PRKCB: variants seen among roughly 807,000 people sequenced by gnomAD.
PRKCB encodes protein kinase C beta.
A neutral mutation model predicts 81.5 loss-of-function variants in PRKCB; 13 were observed. That is an observed-to-expected ratio of 0.16 (90% CI 0.10 to 0.25). PRKCB has a LOEUF of 0.25. Among genes scored for constraint, PRKCB ranks in the 10% least tolerant of loss-of-function variants. The probability of loss-of-function intolerance (pLI) is 1.00; values close to 1 mark genes in which losing one functional copy is unlikely to be tolerated. For missense variants in PRKCB, 509 were observed against 875.7 expected (o/e 0.58, Z 5.29); for synonymous variants, 335 against 321.4 (o/e 1.04, Z -0.45).
intron 12 of PRKCB, among the ~76,000 whole-genome samples, chr16:24,179,169 A>G (rs1043398686): frequency 2.0e-5 from 3 of 152,198 alleles, no homozygotes; most frequent in Admixed American, 1.3e-4. Flanking sequence ...ATTGGCCCAG[A>G]TTGGATCACA....
At chr16:23,973,046 C>T (rs1381894457) in intron 2 of PRKCB, among the ~76,000 whole-genome samples, 2 of 152,124 alleles carry the variant, frequency 1.3e-5, no homozygotes, top group Non-Finnish European at 2.9e-5. Flanking sequence ...TCTTAATTCT[C>T]ATTTCATGGT....
At chr16:23,976,025 T>C (rs926452261) in intron 2 of PRKCB, among the ~76,000 whole-genome samples, 1 of 152,072 alleles carries the variant, frequency 6.6e-6, no homozygotes, top group Admixed American at 6.5e-5. Flanking sequence ...TCAAAAAAAC[T>C]TTTCCTTGGT....
chr16:24,146,879 G>T (rs918497729), intron 9 of PRKCB, among the ~76,000 whole-genome samples: 2 of 152,102 alleles, frequency 1.3e-5, no homozygotes, highest in Non-Finnish European at 2.9e-5. Flanking sequence ...TGGTATTAAA[G>T]TTTCTGGAAG....
At chr16:24,039,375 C>A (rs761301419) in intron 5 of PRKCB, among the ~76,000 whole-genome samples, 4 of 151,816 alleles carry the variant, frequency 2.6e-5, no homozygotes, top group Non-Finnish European at 5.9e-5. Context: ...ATTACAGGCA[C>A]GTGCCACCAT....
At chr16:23,906,298 T>G (rs1018622104) in intron 2 of PRKCB, among the ~76,000 whole-genome samples, 14 of 152,222 alleles carry the variant, frequency 9.2e-5, no homozygotes, top group African/African-American at 3.4e-4. Flanking sequence ...GAGAACATTT[T>G]TATGTTTGAA....
chr16:23,898,001 C>A (rs902878125), intron 2 of PRKCB, among the ~76,000 whole-genome samples: 1 of 151,846 alleles, frequency 6.6e-6, no homozygotes, highest in Non-Finnish European at 1.5e-5. Context: ...CAGGCTCAAG[C>A]GATTCTTCTG....
intron 7 of PRKCB, chr16:24,111,301 A>G (rs945934715): frequency 6.6e-6 from 1 of 152,232 alleles, no homozygotes; most frequent in African/African-American, 2.4e-5. Flanking sequence ...GAGAGAAAAC[A>G]TTGTGATGAA....
chr16:23,865,831 G>A (rs182616853), intron 2 of PRKCB, among the ~76,000 whole-genome samples: 322 of 151,880 alleles, frequency 2.1e-3, no homozygotes, highest in Admixed American at 4.9e-3. Flanking sequence ...GGTTCTGGGA[G>A]AGTAGGCTTA....
intron 14 of PRKCB, 63 bp from the exon 15 acceptor site, chr16:24,185,397 A>C: frequency 1.4e-6 from 2 of 1,471,200 alleles, no homozygotes; most frequent in East Asian, 4.5e-5. Context: ...CTGCCAGTTG[A>C]GGGGAGCTAG....
intron 15 of PRKCB, among the ~76,000 whole-genome samples, chr16:24,190,000 G>C (rs1340903453): frequency 6.6e-6 from 1 of 152,092 alleles, no homozygotes; most frequent in Non-Finnish European, 1.5e-5. Flanking sequence ...TGAGATCAGA[G>C]ATATTTTCAT....
intron 3 of PRKCB, among the ~76,000 whole-genome samples, chr16:24,017,954 A>C (rs1965304489): frequency 7.1e-6 from 1 of 141,024 alleles, no homozygotes; most frequent in Admixed American, 7.6e-5. Flanking sequence ...GCTGGAGTGC[A>C]GCGGTGCAAT....
chr16:23,875,990 T>C (rs1963007947), intron 2 of PRKCB, among the ~76,000 whole-genome samples: 1 of 152,198 alleles, frequency 6.6e-6, no homozygotes, highest in African/African-American at 2.4e-5. Context: ...CCCCTAGTCA[T>C]GCTATATGCC....
chr16:23,883,872 A>G (rs1963160560), intron 2 of PRKCB, among the ~76,000 whole-genome samples: 1 of 152,230 alleles, frequency 6.6e-6, no homozygotes, highest in South Asian at 2.1e-4. Flanking sequence ...TGAGCTGTGT[A>G]TGTAATTTAA....
At chr16:23,960,888 A>G (rs1411757679) in intron 2 of PRKCB, among the ~76,000 whole-genome samples, 1 of 152,246 alleles carries the variant, frequency 6.6e-6, no homozygotes, top group African/African-American at 2.4e-5. Flanking sequence ...GGTCTTAGCT[A>G]AATTCAACAG....
At position 24,021,539 on chromosome 16, in the gene PRKCB, G is replaced by A. The variant is rs148535167; in HGVS notation, c.289-10597G>A. ...GGACCCAAGTACTCTGTCACTGGCC[G>A]GTGCTGAATTTGTGTGAGATGAAGA... On this transcript the variant is annotated intron_variant, in intron 3 of 16. Coordinates refer to ENST00000643927, the MANE Select transcript of PRKCB (RefSeq NM_002738.7). Among the ~76,000 whole-genome samples the A allele has an allele frequency of 2.0e-3, 303 of 151,360 alleles. 2 individuals carry two copies. Among genetic ancestry groups the A allele is most frequent in the African/African-American group, 7.2e-3 (295 of 40,872 alleles).
chr16:24,118,052 C>T (rs1454497217), intron 8 of PRKCB, among the ~76,000 whole-genome samples: 1 of 152,212 alleles, frequency 6.6e-6, no homozygotes, highest in Non-Finnish European at 1.5e-5. Context: ...TAGAGAGCAG[C>T]ATGCTGGTGG....
intron 5 of PRKCB, among the ~76,000 whole-genome samples, chr16:24,072,293 G>A (rs1966119588): frequency 6.6e-6 from 1 of 151,966 alleles, no homozygotes; most frequent in Non-Finnish European, 1.5e-5. Flanking sequence ...TTTGAGACAG[G>A]GTGTTTCTCT....
At chr16:24,202,035 C>CA (rs72304458) in intron 16 of PRKCB, among the ~76,000 whole-genome samples, 111 of 117,884 alleles carry the variant, frequency 9.4e-4, no homozygotes, top group South Asian at 2.0e-3. Context: ...GACTCCGTCT[C>CA]AAAAAAAAAA....
intron 3 of PRKCB, among the ~76,000 whole-genome samples, chr16:23,993,233 G>A (rs975220025): frequency 2.0e-5 from 3 of 152,134 alleles, no homozygotes; most frequent in African/African-American, 7.2e-5. Flanking sequence ...ATATTAAGGG[G>A]GTAGGATAAT....
Sources: allele counts gnomAD v4.1 joint callset (sites outside exome capture counted in the v4.1 genomes callset), GRCh38; gene constraint gnomAD v4.1.1; transcripts MANE v1.5; gene names NCBI Gene and HGNC (gene_info 2026-07-23, HGNC 2026-07-21).